The following NCKAP5 variants were observed in gnomAD, a reference collection of about 807,000 sequenced individuals.
The protein encoded by NCKAP5 is nck-associated protein 5.
In NCKAP5, 92 loss-of-function variants were observed where a neutral mutation model predicts 167.0. The observed-to-expected ratio is 0.55, with a 90% confidence interval of 0.47 to 0.66. The LOEUF (loss-of-function observed/expected upper bound fraction) is 0.66. Ranked by LOEUF, NCKAP5 falls within the 30% of genes least tolerant of loss-of-function variation. The pLI is 0.00. For synonymous variants in NCKAP5, 891 were observed against 877.4 expected (o/e 1.02, Z -0.27); for missense variants, 2,378 against 2,315.0 (o/e 1.03, Z -0.56).
At chr2:132,970,271 T>C (rs1402428011) in intron 7 of NCKAP5, among the ~76,000 whole-genome samples, 1 of 152,162 alleles carries the variant, frequency 6.6e-6, no homozygotes, top group Non-Finnish European at 1.5e-5. Context: ...ATTAAGAATC[T>C]GAGATATACA....
At chr2:133,424,229 G>C (rs1330756827) in intron 3 of NCKAP5, among the ~76,000 whole-genome samples, 1 of 152,074 alleles carries the variant, frequency 6.6e-6, no homozygotes, top group Admixed American at 6.5e-5. Context: ...AACTTGTCCA[G>C]GGTCACAAAA....
chr2:132,996,822 A>C (rs1177406784), intron 6 of NCKAP5, among the ~76,000 whole-genome samples: 5 of 152,218 alleles, frequency 3.3e-5, no homozygotes, highest in African/African-American at 1.2e-4. Flanking sequence ...CTGTATGTTC[A>C]GACTGTGTCT....
At chr2:133,333,820 A>G (rs1683033557) in intron 3 of NCKAP5, 2 of 152,230 alleles carry the variant, frequency 1.3e-5, no homozygotes, top group African/African-American at 4.8e-5. Flanking sequence ...AAAGTGATTA[A>G]CACACAAGGA....
At chr2:133,257,351 T>C (rs1191853978) in intron 4 of NCKAP5, among the ~76,000 whole-genome samples, 1 of 152,216 alleles carries the variant, frequency 6.6e-6, no homozygotes, top group African/African-American at 2.4e-5. Flanking sequence ...TCTGAATCAT[T>C]TGTAAGCTCC....
At chr2:132,847,149 T>C (rs772135379) in intron 11 of NCKAP5, among the ~76,000 whole-genome samples, 28 of 152,148 alleles carry the variant, frequency 1.8e-4, no homozygotes, top group Non-Finnish European at 4.1e-4. Context: ...CTTCAGACTA[T>C]AGGGCAATGA....
intron 4 of NCKAP5, among the ~76,000 whole-genome samples, chr2:133,256,806 T>A (rs1464722195): frequency 2.6e-5 from 4 of 152,192 alleles, no homozygotes; most frequent in African/African-American, 9.7e-5. Context: ...ATAAATGTGC[T>A]CAGGTAAGTG....
chr2:133,672,486 C>T, the NCKAP5 span, among the ~76,000 whole-genome samples: 2 of 152,338 alleles, frequency 1.3e-5, no homozygotes, highest in South Asian at 4.1e-4. Context: ...AAGAAACTAT[C>T]AGTGCATAAC....
chr2:133,665,332 T>C, the NCKAP5 span, among the ~76,000 whole-genome samples: 21 of 152,360 alleles, frequency 1.4e-4, no homozygotes, highest in South Asian at 4.1e-3. Flanking sequence ...TCCTTTCACT[T>C]GAACACTTTA....
chr2:133,280,828 T>C (rs1445880867), intron 4 of NCKAP5, among the ~76,000 whole-genome samples: 1 of 152,174 alleles, frequency 6.6e-6, no homozygotes, highest in Non-Finnish European at 1.5e-5. Flanking sequence ...ATTACAAAAT[T>C]GAGCAATTTG....
intron 3 of NCKAP5, among the ~76,000 whole-genome samples, chr2:133,347,937 G>T (rs1333462131): frequency 6.6e-6 from 1 of 152,202 alleles, no homozygotes; most frequent in Middle Eastern, 3.2e-3. Flanking sequence ...TTTAAAATAT[G>T]TTCTTGAACC....
At chr2:133,422,309 C>A (rs1294555729) in intron 3 of NCKAP5, among the ~76,000 whole-genome samples, 1 of 152,202 alleles carries the variant, frequency 6.6e-6, no homozygotes, top group Non-Finnish European at 1.5e-5. Flanking sequence ...TACATAAATG[C>A]CACGGCAAAG....
upstream of NCKAP5, among the ~76,000 whole-genome samples, chr2:133,570,538 C>T (rs1298878147): frequency 2.6e-5 from 4 of 152,122 alleles, no homozygotes; most frequent in Non-Finnish European, 5.9e-5. Context: ...TCCAAGGACC[C>T]ACCCCTTTCC....
At chr2:132,894,256 T>C (rs1692958983) in intron 8 of NCKAP5, among the ~76,000 whole-genome samples, 1 of 151,930 alleles carries the variant, frequency 6.6e-6, no homozygotes, top group African/African-American at 2.4e-5. Context: ...TGAGAAAGAA[T>C]TCAGTACAGA....
chr2:132,933,611 CA>C, intron 8 of NCKAP5, among the ~76,000 whole-genome samples: 1 of 152,216 alleles, frequency 6.6e-6, no homozygotes, highest in East Asian at 1.9e-4. Context: ...AAGGCAATGG[CA>C]AAAAGCCTTC....
intron 8 of NCKAP5, among the ~76,000 whole-genome samples, chr2:132,934,851 C>T (rs906954667): frequency 6.6e-6 from 1 of 152,158 alleles, no homozygotes; most frequent in Admixed American, 6.5e-5. Flanking sequence ...TGGCTGTCTA[C>T]ACAACATCCA....
At chr2:133,199,891 T>C (rs1559257644) in intron 5 of NCKAP5, among the ~76,000 whole-genome samples, 1 of 151,894 alleles carries the variant, frequency 6.6e-6, no homozygotes, top group Non-Finnish European at 1.5e-5. Context: ...TACTAATTTA[T>C]ATAATGACAT....
intron 12 of NCKAP5, among the ~76,000 whole-genome samples, chr2:132,795,369 G>C (rs1296516187): frequency 6.6e-6 from 1 of 152,128 alleles, no homozygotes; most frequent in African/African-American, 2.4e-5. Flanking sequence ...TAATTATGTT[G>C]ATTTAACAGG....
intron 8 of NCKAP5, chr2:132,931,349 C>T (rs1400876786): frequency 6.6e-6 from 1 of 152,244 alleles, no homozygotes; most frequent in Non-Finnish European, 1.5e-5. Flanking sequence ...CCATCTGTTC[C>T]TCACTTCCAA....
Position 133,514,389 on chromosome 2 carries a change from G to A in NCKAP5, c.69+3069C>T, listed in dbSNP as rs144735466. On this transcript the variant is annotated intron_variant, in intron 3 of 19. Transcript: ENST00000409261. ...ACACTCAAACCCTCCCCCATGCCACGTGACTAAGGACCACAAACTTGTTTT... is the reference window on the plus strand; with the variant it reads ...ACACTCAAACCCTCCCCCATGCCACATGACTAAGGACCACAAACTTGTTTT... Among the ~76,000 whole-genome samples, 109 of 152,192 alleles carry A rather than the reference G, an allele frequency of 7.2e-4. 1 individual carries two copies. Among genetic ancestry groups the A allele is most frequent in the African/African-American group, 2.5e-3 (105 of 41,522 alleles).
Sources: allele counts gnomAD v4.1 joint callset (sites outside exome capture counted in the v4.1 genomes callset), GRCh38; gene constraint gnomAD v4.1.1; transcripts MANE v1.5; gene names NCBI Gene and HGNC (gene_info 2026-07-23, HGNC 2026-07-21).